Variants in KSR2 observed in about 807,000 individuals in gnomAD.
The protein encoded by KSR2 is kinase suppressor of ras 2.
KSR2 carries 25 observed loss-of-function variants against 107.8 expected under a neutral mutation model. The observed-to-expected ratio is 0.23, with a 90% CI of 0.17 to 0.32. The LOEUF (loss-of-function observed/expected upper bound fraction) is 0.32, where lower values mean the gene tolerates loss of function less well. KSR2 is among the 10% of genes least tolerant of loss of function. The pLI is 1.00. For synonymous variants in KSR2, 480 were observed against 507.0 expected (o/e 0.95, Z 0.71); for missense variants, 887 against 1,268.9 (o/e 0.70, Z 4.57).
chr12:117,711,043 C>T (rs1051188238), intron 4 of KSR2, among the ~76,000 whole-genome samples: 2 of 152,212 alleles, frequency 1.3e-5, no homozygotes, highest in African/African-American at 4.8e-5. Context: ...GTCAGATCCT[C>T]TCCCTATCTT....
At chr12:117,491,803 C>T (rs905442411) in intron 14 of KSR2, among the ~76,000 whole-genome samples, 2 of 152,144 alleles carry the variant, frequency 1.3e-5, no homozygotes, top group Non-Finnish European at 2.9e-5. Context: ...GATCTGGAGG[C>T]TATGTTCTTA....
At chr12:117,966,611 T>TCACA (rs1377075943) in intron 1 of KSR2, among the ~76,000 whole-genome samples, 14 of 77,162 alleles carry the variant, frequency 1.8e-4, no homozygotes, top group African/African-American at 5.9e-4. Context: ...TCTCTCTCTC[T>TCACA]CACACGCGCA....
At chr12:117,778,826 TTTG>T (rs1410572179) in intron 3 of KSR2, among the ~76,000 whole-genome samples, 3 of 152,194 alleles carry the variant, frequency 2.0e-5, no homozygotes, top group African/African-American at 7.2e-5. Context: ...TCCAGAACCC[TTTG>T]TTGTTCTATT....
chr12:117,606,671 C>T (rs573213080), intron 5 of KSR2, among the ~76,000 whole-genome samples: 3 of 139,580 alleles, frequency 2.1e-5, no homozygotes, highest in Non-Finnish European at 4.6e-5. Context: ...TCCTTCCCTT[C>T]CTCCCTCCCT....
At chr12:117,945,558 C>A (rs1047715236) in intron 1 of KSR2, among the ~76,000 whole-genome samples, 22 of 152,074 alleles carry the variant, frequency 1.4e-4, no homozygotes, top group African/African-American at 5.1e-4. Context: ...TACTCCCACC[C>A]AGCTACTCGG....
intron 14 of KSR2, among the ~76,000 whole-genome samples, chr12:117,513,145 C>T (rs1874138355): frequency 6.6e-6 from 1 of 151,970 alleles, no homozygotes; most frequent in Non-Finnish European, 1.5e-5. Flanking sequence ...ATTCTTATGT[C>T]ACAAAGATAT....
chr12:117,676,781 G>A (rs543634452), intron 4 of KSR2, among the ~76,000 whole-genome samples: 126 of 152,230 alleles, frequency 8.3e-4, no homozygotes, highest in Non-Finnish European at 1.6e-3. Flanking sequence ...CTGACCCAAC[G>A]ATTTTACTCC....
At chr12:117,641,351 T>C (rs924059099) in intron 5 of KSR2, among the ~76,000 whole-genome samples, 8 of 152,162 alleles carry the variant, frequency 5.3e-5, no homozygotes, top group African/African-American at 1.9e-4. Context: ...CACCTGCCTC[T>C]GCCTCCCAAG....
chr12:117,952,153 C>T (rs1896379882), intron 1 of KSR2, among the ~76,000 whole-genome samples: 1 of 113,778 alleles, frequency 8.8e-6, no homozygotes, highest in African/African-American at 3.6e-5. Context: ...TAAATGTTCT[C>T]ATCACACACA....
intron 3 of KSR2, among the ~76,000 whole-genome samples, chr12:117,789,950 G>A (rs145266375): frequency 1.1e-3 from 174 of 152,268 alleles, no homozygotes; most frequent in South Asian, 0.01. Flanking sequence ...AGGAGATGAC[G>A]TTTTTGCTAA....
chr12:117,843,888 T>G (rs1331394489), intron 3 of KSR2, among the ~76,000 whole-genome samples: 1 of 151,176 alleles, frequency 6.6e-6, no homozygotes, highest in Admixed American at 6.6e-5. Context: ...CTTACCTATG[T>G]CAGGGTAGGT....
chr12:117,546,259 T>G (rs548442614), intron 9 of KSR2, among the ~76,000 whole-genome samples: 110 of 152,336 alleles, frequency 7.2e-4, no homozygotes, highest in Non-Finnish European at 7.6e-4. Flanking sequence ...AATTGAAAAC[T>G]TTTCTTTCAG....
chr12:117,819,493 C>T lies in KSR2; in HGVS notation c.472+35935G>A, dbSNP rs773301176. On this transcript the variant is annotated intron_variant, in intron 3 of 19. Coordinates refer to ENST00000339824, the MANE Select transcript of KSR2 (RefSeq NM_173598.6). ...AGTGGGGGTAAAAGCCATGTTCACT[C>T]TTTTGATTTATGGTGATGGTTTCCT... Among the ~76,000 whole-genome samples the T allele has an allele frequency of 1.4e-3, 218 of 152,162 alleles. 5 individuals are homozygous for T. The highest frequency in any genetic ancestry group is 3.2e-3 in the Middle Eastern group (1 of 316).
intron 4 of KSR2, among the ~76,000 whole-genome samples, chr12:117,698,112 G>A (rs1281588922): frequency 6.6e-6 from 1 of 152,136 alleles, no homozygotes; most frequent in Non-Finnish European, 1.5e-5. Flanking sequence ...TCTTTTTCCA[G>A]CCCTCAGAAG....
chr12:117,956,338 C>A (rs1896517559), intron 1 of KSR2, among the ~76,000 whole-genome samples: 2 of 149,412 alleles, frequency 1.3e-5, no homozygotes, highest in African/African-American at 4.9e-5. Context: ...GAGGCCAAGG[C>A]AGGAGGGCTG....
At chr12:117,809,783 G>T (rs1891134415) in intron 3 of KSR2, among the ~76,000 whole-genome samples, 1 of 152,168 alleles carries the variant, frequency 6.6e-6, no homozygotes, top group Non-Finnish European at 1.5e-5. Flanking sequence ...GCTCCTAGCA[G>T]GAGCTGAAAA....
chr12:117,746,417 A>G (rs764763924), intron 4 of KSR2, among the ~76,000 whole-genome samples: 4 of 152,204 alleles, frequency 2.6e-5, no homozygotes, highest in Non-Finnish European at 4.4e-5. Context: ...CTTACACTGC[A>G]TACAAAAATT....
chr12:117,747,906 T>C (rs1392208251), intron 4 of KSR2, among the ~76,000 whole-genome samples: 1 of 152,150 alleles, frequency 6.6e-6, no homozygotes, highest in African/African-American at 2.4e-5. Flanking sequence ...TTCCACAAAA[T>C]ACTAAAAATA....
intron 5 of KSR2, among the ~76,000 whole-genome samples, chr12:117,666,141 C>T (rs1057502779): frequency 2.6e-5 from 4 of 152,140 alleles, no homozygotes; most frequent in Admixed American, 1.3e-4. Flanking sequence ...GTCTCTGGAC[C>T]GACTCCTAAC....
Sources: gnomAD v4.1 joint callset for allele counts (sites outside exome capture counted in the v4.1 genomes callset) on GRCh38, gnomAD v4.1.1 for gene constraint, MANE v1.5 for transcripts, NCBI Gene and HGNC (gene_info 2026-07-23, HGNC 2026-07-21) for gene names.